Variants in OTOA observed in about 807,000 individuals in gnomAD.
OTOA encodes cancer/testis antigen 108.
Under a neutral mutation model 110.8 loss-of-function variants are expected in OTOA, and 70 were observed. The observed-to-expected ratio is 0.63, with a 90% CI of 0.52 to 0.77. OTOA has a LOEUF of 0.77. Ranked by LOEUF, OTOA falls within the 30% of genes least tolerant of loss-of-function variation. OTOA has a pLI of 0.00. For missense variants in OTOA, 917 were observed against 1,075.8 expected (o/e 0.85, Z 2.06); for synonymous variants, 373 against 431.5 (o/e 0.86, Z 1.68).
chr16:21,735,260 T>C (rs1899252098), intron 21 of OTOA, among the ~76,000 whole-genome samples: 2 of 151,528 alleles, frequency 1.3e-5, no homozygotes, highest in East Asian at 1.9e-4. Flanking sequence ...AAACTTACAA[T>C]CATGGCGGAA....
intron 22 of OTOA, among the ~76,000 whole-genome samples, chr16:21,738,780 A>C (rs545165172): frequency 6.6e-6 from 1 of 152,428 alleles, no homozygotes; most frequent in African/African-American, 2.4e-5. Flanking sequence ...TTGGGCGTGA[A>C]AACAGGAATG....
chr16:21,681,721 T>A lies in OTOA; in HGVS notation c.180-17T>A, dbSNP rs1429507127. 15 of 1,601,130 alleles carry A rather than the reference T, an allele frequency of 9.4e-6. No homozygotes were observed. Among genetic ancestry groups the A allele is most frequent in the Non-Finnish European group, 1.2e-5 (14 of 1,168,298 alleles). ...AATCTGTCATTGTGATCTTTTCCTG[T>A]CTGTCTTCAACTGAAGCTCCCACGT... is the stretch of plus-strand genomic sequence containing the variant. On this transcript the variant is annotated splice_polypyrimidine_tract_variant and intron_variant, in intron 5 of 28. Coordinates refer to ENST00000646100, the MANE Select transcript of OTOA (RefSeq NM_144672.4).
chr16:21,735,110 C>T (rs1318547484), intron 21 of OTOA, among the ~76,000 whole-genome samples: 1 of 145,250 alleles, frequency 6.9e-6, no homozygotes, highest in East Asian at 2.0e-4. Flanking sequence ...CACTGTATTC[C>T]AGCTTGAGCA....
intron 1 of OTOA, among the ~76,000 whole-genome samples, chr16:21,668,356 G>T (rs762618501): frequency 6.6e-6 from 1 of 151,560 alleles, no homozygotes; most frequent in Non-Finnish European, 1.5e-5. Context: ...ACAATCCTCC[G>T]CCTTGGCCTC....
intron 24 of OTOA, among the ~76,000 whole-genome samples, chr16:21,749,320 A>G (rs1200431438): frequency 7.2e-6 from 1 of 138,072 alleles, no homozygotes; most frequent in Non-Finnish European, 1.6e-5. Flanking sequence ...TGAGGCCAGG[A>G]GTTTGAGACC....
intron 14 of OTOA, among the ~76,000 whole-genome samples, chr16:21,716,089 T>G (rs1425692641): frequency 6.6e-6 from 1 of 151,510 alleles, no homozygotes; most frequent in African/African-American, 2.4e-5. Flanking sequence ...TTTCTAGAGA[T>G]GGGGTCTTGC....
intron 1 of OTOA, among the ~76,000 whole-genome samples, chr16:21,671,826 C>A (rs1966849568): frequency 6.6e-6 from 1 of 151,978 alleles, no homozygotes; most frequent in Non-Finnish European, 1.5e-5. Flanking sequence ...GTGACAACCA[C>A]CACAATCAAG....
At chr16:21,702,907 C>G in intron 11 of OTOA, among the ~76,000 whole-genome samples, 1 of 152,254 alleles carries the variant, frequency 6.6e-6, no homozygotes, top group East Asian at 1.9e-4. Flanking sequence ...ATCTCTTGAC[C>G]TTGTGATCCG....
At chr16:21,724,433 G>C (rs1036000309) in intron 18 of OTOA, among the ~76,000 whole-genome samples, 4 of 152,178 alleles carry the variant, frequency 2.6e-5, no homozygotes, top group African/African-American at 7.2e-5. Context: ...TATCTGCAGA[G>C]TAGATAGGGG....
chr16:21,756,081 G>A (rs1360071531), intron 27 of OTOA, among the ~76,000 whole-genome samples: 1 of 151,596 alleles, frequency 6.6e-6, no homozygotes, highest in African/African-American at 2.4e-5. Flanking sequence ...GTGACTGACA[G>A]GAGAGGAAGG....
At chr16:21,711,958 T>C (rs1898371424) in intron 13 of OTOA, among the ~76,000 whole-genome samples, 1 of 152,188 alleles carries the variant, frequency 6.6e-6, no homozygotes, top group Admixed American at 6.5e-5. Context: ...CAAGCACCCA[T>C]TATAATTGCT....
intron 20 of OTOA, 31 bp from the exon 21 acceptor site, chr16:21,730,806 T>A (rs1899091253): frequency 7.8e-7 from 1 of 1,277,818 alleles, no homozygotes; most frequent in South Asian, 1.3e-5. Flanking sequence ...CAGCATGTTT[T>A]TTCACTTTAC....
chr16:21,666,537 C>T (rs1201991467), intron 1 of OTOA, among the ~76,000 whole-genome samples: 1 of 152,086 alleles, frequency 6.6e-6, no homozygotes, highest in South Asian at 2.1e-4. Flanking sequence ...CCTGGGAAAC[C>T]TTTTGGTCCC....
chr16:21,718,984 G>A, intron 15 of OTOA, 149 bp from the exon 16 acceptor site: 1 of 774,904 alleles, frequency 1.3e-6, no homozygotes, highest in Admixed American at 2.0e-5. Flanking sequence ...CTTAGCAATG[G>A]TCTAGTCCTA....
intron 11 of OTOA, 50 bp from the exon 12 acceptor site, chr16:21,705,119 G>C (rs1440559962): frequency 6.2e-7 from 1 of 1,613,770 alleles, no homozygotes; most frequent in African/African-American, 1.3e-5. Flanking sequence ...ACCAGAATGG[G>C]CTGGTTCTGC....
At position 21,697,949 on chromosome 16, in the gene OTOA, T is replaced by C. The variant is rs140174011; in HGVS notation, c.840+74T>C. On this transcript the variant is annotated intron_variant, in intron 10 of 28. Transcript: ENST00000646100. ...GGTAAGGTGTATTCTCAAACTCTAA[T>C]GTTCATCCAGCCAGTCAAGGTGCCT... The C allele has an allele frequency of 3.6e-4, 471 of 1,311,134 alleles. 8 individuals are homozygous for C. In the East Asian group the frequency reaches 8.9e-3, roughly 25 times the overall value. The allele number at this position is 1,311,134 out of a possible 1,614,324, so 81.2% of individuals were successfully genotyped here.
chr16:21,713,813 A>G (rs556175932), intron 13 of OTOA, among the ~76,000 whole-genome samples: 111 of 152,144 alleles, frequency 7.3e-4, no homozygotes, highest in African/African-American at 2.3e-3. Flanking sequence ...CCTCGTGGTG[A>G]CTTTATGTTG....
intron 18 of OTOA, among the ~76,000 whole-genome samples, chr16:21,724,007 GGA>G (rs1463330585): frequency 1.3e-5 from 2 of 152,154 alleles, no homozygotes; most frequent in African/African-American, 4.8e-5. Context: ...CCCTGGAGCT[GGA>G]GAGAAACCAC....
At chr16:21,729,897 C>T (rs1359340188) in intron 20 of OTOA, 1 of 152,208 alleles carries the variant, frequency 6.6e-6, no homozygotes, top group East Asian at 1.9e-4. Context: ...AGCCATTCAC[C>T]TACAGAAGGA....
Sources: gnomAD v4.1 joint callset for allele counts (sites outside exome capture counted in the v4.1 genomes callset) on GRCh38, gnomAD v4.1.1 for gene constraint, MANE v1.5 for transcripts, NCBI Gene and HGNC (gene_info 2026-07-23, HGNC 2026-07-21) for gene names.